INPP5F: variants seen among roughly 807,000 people sequenced by gnomAD.
INPP5F encodes inositol polyphosphate-5-phosphatase F, also known as phosphatidylinositide 4-phosphatase SAC2.
In INPP5F, 97 loss-of-function variants were observed where a neutral mutation model predicts 137.2. That is an observed-to-expected ratio of 0.71 (90% CI 0.60 to 0.84). INPP5F has a LOEUF of 0.84. Among genes scored for constraint, INPP5F ranks in the 40% least tolerant of loss-of-function variants. The pLI, the probability that INPP5F is intolerant of heterozygous loss-of-function variation, is 0.00. For synonymous variants in INPP5F, 504 were observed against 476.9 expected (o/e 1.06, Z -0.74); for missense variants, 1,271 against 1,371.9 (o/e 0.93, Z 1.16).
At chr10:119,816,800 TC>T (rs1352238657) in intron 15 of INPP5F, among the ~76,000 whole-genome samples, 1 of 152,204 alleles carries the variant, frequency 6.6e-6, no homozygotes, top group Non-Finnish European at 1.5e-5. Flanking sequence ...GCCTGAACCA[TC>T]CACTCCTGGA....
intron 1 of INPP5F, among the ~76,000 whole-genome samples, chr10:119,746,745 G>GAAAATC (rs1848544745): frequency 6.6e-6 from 1 of 150,946 alleles, no homozygotes; most frequent in Non-Finnish European, 1.5e-5. Flanking sequence ...GCATGAACAA[G>GAAAATC]AAAATCATAG....
chr10:119,788,521 G>T (rs962460075), intron 3 of INPP5F, among the ~76,000 whole-genome samples: 2 of 152,112 alleles, frequency 1.3e-5, no homozygotes, highest in Non-Finnish European at 2.9e-5. Context: ...CTTTCATTCC[G>T]AGAGAGTTAG....
rs143646589 is a variant in INPP5F at position 119,737,604 on chromosome 10, G to T, written c.97+11245G>T. On this transcript the variant is annotated intron_variant, in intron 1 of 19. Coordinates refer to ENST00000650623, the MANE Select transcript of INPP5F (RefSeq NM_014937.4). Reference sequence around the variant, plus strand: ...ACCAGCTGCTAGAACTTCTAAATTGGATTAGCTCTTTAGCTTGTGGAATGC... The same window carrying T: ...ACCAGCTGCTAGAACTTCTAAATTGTATTAGCTCTTTAGCTTGTGGAATGC... Among the ~76,000 whole-genome samples the T allele has an allele frequency of 2.5e-3, 386 of 152,304 alleles. 1 individual carries two copies. Among genetic ancestry groups the T allele is most frequent in the African/African-American group, 7.7e-3 (322 of 41,580 alleles).
chr10:119,749,868 T>TC (rs548007355), intron 1 of INPP5F, among the ~76,000 whole-genome samples: 10 of 152,200 alleles, frequency 6.6e-5, no homozygotes, highest in Non-Finnish European at 1.2e-4. Context: ...AACCTTCACC[T>TC]CCTAGGTTCA....
In INPP5F at chr10:119,791,598, A is replaced by C; in HGVS notation, c.397A>C (p.Thr133Pro). 1 of 1,604,534 alleles carries C rather than the reference A, an allele frequency of 6.2e-7. No homozygotes were observed. The highest frequency in any genetic ancestry group is 8.5e-7 in the Non-Finnish European group (1 of 1,171,986). The stretch of plus-strand genomic sequence containing the variant: ...TGATGACTCAAAGTTTCTACTGAAG[A>C]CCTTTACGCATATTAAATCCAATGT... ...SPDDSKFLLKTFTHIKSNVSA... is the reference protein window; with the variant it reads ...SPDDSKFLLKPFTHIKSNVSA... The change falls in exon 4 of 20, where the codon ACC (threonine) becomes CCC (proline). Residue 133 changes from threonine to proline, a missense_variant. Physicochemically the swap from Thr to Pro is conservative, Grantham distance 38 (BLOSUM62 -1). Transcript: ENST00000650623.
chr10:119,780,169 A>C (rs1175922252), intron 2 of INPP5F, among the ~76,000 whole-genome samples: 2 of 152,206 alleles, frequency 1.3e-5, no homozygotes, highest in African/African-American at 4.8e-5. Flanking sequence ...CTCATCGTTG[A>C]CTGAAACATC....
At chr10:119,761,125 TG>T (rs1159803169) in intron 2 of INPP5F, among the ~76,000 whole-genome samples, 1 of 152,222 alleles carries the variant, frequency 6.6e-6, no homozygotes, top group Non-Finnish European at 1.5e-5. Context: ...TTTCATTTTA[TG>T]GCAGATTTAT....
At chr10:119,816,357 G>A (rs902528116) in intron 15 of INPP5F, 1 of 152,014 alleles carries the variant, frequency 6.6e-6, no homozygotes, top group Admixed American at 6.6e-5. Flanking sequence ...GGTGGACAGC[G>A]GATGTCATGT....
At chr10:119,794,927 G>A (rs866092438) in intron 6 of INPP5F, among the ~76,000 whole-genome samples, 9,436 of 118,056 alleles carry the variant, frequency 0.08, 621 homozygotes, top group Non-Finnish European at 0.12. Context: ...CTCCCGGATG[G>A]GGCGGCTGGC....
chr10:119,730,683 G>C (rs570780804), intron 1 of INPP5F, among the ~76,000 whole-genome samples: 1 of 152,160 alleles, frequency 6.6e-6, no homozygotes, highest in South Asian at 2.1e-4. Flanking sequence ...TCTGTTCTGA[G>C]ACTGAGCGAC....
rs1038787916 is a variant in INPP5F, at chr10:119,746,590, G to A, written c.98-4486G>A. On this transcript the variant is annotated intron_variant, in intron 1 of 19. Transcript: ENST00000650623. ...TAACAGAGATGAAATCAGTAAATAC[G>A]GTAACTGATACTAAGGAACAGCTTT... 5.3e-5 allele frequency among the ~76,000 whole-genome samples: 8 copies of A among 152,094 alleles called. No homozygotes were observed. The East Asian group carries it at 5.8e-4, about 11-fold the overall frequency.
chr10:119,726,868 C>G (rs1356570645), intron 1 of INPP5F, among the ~76,000 whole-genome samples: 1 of 152,238 alleles, frequency 6.6e-6, no homozygotes, highest in Non-Finnish European at 1.5e-5. Flanking sequence ...TGTGACTTTA[C>G]TGTGGTTACC....
chr10:119,822,930 A>C lies in INPP5F; in HGVS notation c.2033-141A>C, dbSNP rs975415887. The C allele has an allele frequency of 3.8e-6, 3 of 784,422 alleles. No individual in the cohort carries two copies. The African/African-American group carries it at 5.2e-5, about 14-fold the overall frequency. The allele number at this position is 784,422 out of a possible 1,614,324, so 48.6% of individuals were successfully genotyped here. On this transcript the variant is annotated intron_variant, in intron 17 of 19. Coordinates refer to ENST00000650623, the MANE Select transcript of INPP5F (RefSeq NM_014937.4). Reference sequence around the variant, plus strand: ...TTGAAAGAGTTCTTCTAGCCTTATCAAACCAAATGGTCACCAGAAGTTTGT... The same window carrying C: ...TTGAAAGAGTTCTTCTAGCCTTATCCAACCAAATGGTCACCAGAAGTTTGT...
chr10:119,767,120 A>AAAAAAAC lies in INPP5F; in HGVS notation c.179-14509_179-14508insCAAAAAA, dbSNP rs1337832335. Among the ~76,000 whole-genome samples the AAAAAAAC allele has an allele frequency of 1.4e-3, 217 of 150,010 alleles. 7 individuals are homozygous for AAAAAAAC. Among genetic ancestry groups the AAAAAAAC allele is most frequent in the Middle Eastern group, 3.4e-3 (1 of 290 alleles). On this transcript the variant is annotated intron_variant, in intron 2 of 19. Transcript: ENST00000650623. ...ACTCTGTCTCCAGAAAAAAAAAAAA[A>AAAAAAAC]AAAAAAAAAAAAACCTAGAGAGATT...
At chr10:119,762,949 TC>T (rs1722002871) in intron 2 of INPP5F, among the ~76,000 whole-genome samples, 1 of 152,192 alleles carries the variant, frequency 6.6e-6, no homozygotes, top group African/African-American at 2.4e-5. Flanking sequence ...ATCCGAAGTC[TC>T]GTTTAAATAT....
chr10:119,763,024 C>T (rs1849051964), intron 2 of INPP5F, among the ~76,000 whole-genome samples: 1 of 152,178 alleles, frequency 6.6e-6, no homozygotes, highest in South Asian at 2.1e-4. Context: ...TGCTCTTCAG[C>T]TGCAAACCTG....
Position 119,827,079 on chromosome 10 carries a change from C to A in INPP5F, c.2698C>A (p.Arg900=), listed in dbSNP as rs146380100. The change falls in exon 20 of 20, where the codon CGA becomes AGA. Residue 900 remains arginine, a synonymous_variant. Transcript: ENST00000650623. Reference sequence around the variant, plus strand: ...TTGTGGTATTATTGCCTCAGCGCCTCGATTGGGCAGTCGGTCCCAGTCTCT... The same window carrying A: ...TTGTGGTATTATTGCCTCAGCGCCTAGATTGGGCAGTCGGTCCCAGTCTCT... The part of the protein sequence containing the change: ...PSCGIIASAP[R]LGSRSQSLSS... 1 of 1,613,992 alleles carries A rather than the reference C, an allele frequency of 6.2e-7. No homozygotes were observed. The highest frequency in any genetic ancestry group is 8.5e-7 in the Non-Finnish European group (1 of 1,180,018).
intron 2 of INPP5F, among the ~76,000 whole-genome samples, chr10:119,778,704 A>C (rs1849605295): frequency 6.6e-6 from 1 of 152,186 alleles, no homozygotes; most frequent in Admixed American, 6.5e-5. Flanking sequence ...AAATAAATTT[A>C]GTAACCAGAG....
At chr10:119,798,047 TTTTG>T (rs1397251006) in intron 8 of INPP5F, among the ~76,000 whole-genome samples, 5 of 150,628 alleles carry the variant, frequency 3.3e-5, no homozygotes, top group African/African-American at 1.2e-4. Flanking sequence ...TTTTTTTTTG[TTTTG>T]TTTTTCTTTT....
Sources: allele counts gnomAD v4.1 joint callset (sites outside exome capture counted in the v4.1 genomes callset), GRCh38; gene constraint gnomAD v4.1.1; transcripts MANE v1.5; gene names NCBI Gene and HGNC (gene_info 2026-07-23, HGNC 2026-07-21).